The following AJAP1 variants were observed in gnomAD, a reference collection of about 807,000 sequenced individuals.
AJAP1 encodes the protein adherens junction-associated protein 1.
AJAP1 carries 5 observed loss-of-function variants against 35.0 expected under a neutral mutation model. The ratio of observed to expected loss-of-function variants is 0.14; its 90% CI spans 0.07 to 0.30. The LOEUF (loss-of-function observed/expected upper bound fraction) is 0.30. AJAP1 is among the 10% of genes least tolerant of loss of function. The pLI is 1.00. For synonymous variants in AJAP1, 284 were observed against 249.3 expected (o/e 1.14, Z -1.31); for missense variants, 586 against 571.0 (o/e 1.03, Z -0.27).
chr1:4,675,538 C>T (rs1639344163), intron 1 of AJAP1, among the ~76,000 whole-genome samples: 1 of 152,196 alleles, frequency 6.6e-6, no homozygotes, highest in Non-Finnish European at 1.5e-5. Flanking sequence ...GACCATGTGG[C>T]CTACCTCAGT....
intron 1 of AJAP1, among the ~76,000 whole-genome samples, chr1:4,686,226 G>A (rs1209743444): frequency 6.6e-6 from 1 of 152,156 alleles, no homozygotes; most frequent in Admixed American, 6.5e-5. Context: ...TAGATTCCTG[G>A]TGCAGTCATC....
At chr1:4,726,777 C>T (rs1355148178) in intron 2 of AJAP1, among the ~76,000 whole-genome samples, 2 of 152,122 alleles carry the variant, frequency 1.3e-5, no homozygotes, top group Non-Finnish European at 2.9e-5. Flanking sequence ...AGCCGAGAGC[C>T]GGGGGCCTGC....
chr1:4,737,035 AACTCTCTGAATGT>A (rs1282578597), intron 2 of AJAP1, among the ~76,000 whole-genome samples: 1 of 152,224 alleles, frequency 6.6e-6, no homozygotes, highest in Admixed American at 6.5e-5. Context: ...GAACTAGAGC[AACTCTCTGAATGT>A]ACTGGAGTTG....
intron 1 of AJAP1, among the ~76,000 whole-genome samples, chr1:4,700,350 G>C (rs1639958183): frequency 6.6e-6 from 1 of 152,120 alleles, no homozygotes; most frequent in Non-Finnish European, 1.5e-5. Context: ...ACATACCGAT[G>C]CTGGGCCTCG....
rs1230446360 is a variant in AJAP1 at position 4,711,850 on chromosome 1, C to G, written c.30-50C>G. The stretch of plus-strand genomic sequence containing the variant: ...GAGAGAGGGCCCCGGGGCCCAGTCC[C>G]CCTCCTGGGCTTCCACTGACCGCTC... On this transcript the variant is annotated intron_variant, in intron 1 of 5. Transcript: ENST00000378191. The G allele has an allele frequency of 2.2e-6, 3 of 1,382,588 alleles. No individual in the cohort carries two copies. In the African/African-American group the frequency reaches 4.5e-5, roughly 21 times the overall value. 85.6% of individuals were successfully genotyped at this position (1,382,588 alleles called of 1,614,324 possible). A position where few individuals can be genotyped will look rare whatever the true frequency, so the allele number is the denominator to read the frequency against.
chr1:4,770,545 G>GC (rs1313833975), intron 3 of AJAP1, among the ~76,000 whole-genome samples: 1 of 152,172 alleles, frequency 6.6e-6, no homozygotes, highest in African/African-American at 2.4e-5. Flanking sequence ...CTGCTGGGAG[G>GC]CCCTGCTGCT....
intron 1 of AJAP1, among the ~76,000 whole-genome samples, chr1:4,661,213 G>T (rs1638991165): frequency 6.6e-6 from 1 of 152,186 alleles, no homozygotes; most frequent in African/African-American, 2.4e-5. Context: ...GTGAACTTCT[G>T]AGATATCATG....
chr1:4,766,634 C>G (rs1641692250), intron 2 of AJAP1, among the ~76,000 whole-genome samples: 1 of 152,180 alleles, frequency 6.6e-6, no homozygotes, highest in South Asian at 2.1e-4. Flanking sequence ...CCCATTGAAA[C>G]CCACACTCCA....
At chr1:4,776,738 C>T (rs903180770) in intron 5 of AJAP1, among the ~76,000 whole-genome samples, 1 of 152,180 alleles carries the variant, frequency 6.6e-6, no homozygotes, top group East Asian at 1.9e-4. Flanking sequence ...TGGGCGCCCC[C>T]AGATGGGCCC....
At chr1:4,718,771 A>G (rs1289228379) in intron 2 of AJAP1, among the ~76,000 whole-genome samples, 1 of 151,996 alleles carries the variant, frequency 6.6e-6, no homozygotes, top group South Asian at 2.1e-4. Context: ...ATGAGCCACC[A>G]CGCCCGGCCT....
At chr1:4,673,521 C>G (rs1339324740) in intron 1 of AJAP1, among the ~76,000 whole-genome samples, 1 of 152,208 alleles carries the variant, frequency 6.6e-6, no homozygotes. Flanking sequence ...CCCACTAAAA[C>G]TCTGGGGACC....
At chr1:4,718,947 C>T (rs568000063) in intron 2 of AJAP1, among the ~76,000 whole-genome samples, 16 of 152,262 alleles carry the variant, frequency 1.1e-4, no homozygotes, top group South Asian at 1.0e-3. Context: ...TTTAAGGGAA[C>T]GGATGGGGTC....
At chr1:4,726,220 G>A (rs549059074) in intron 2 of AJAP1, among the ~76,000 whole-genome samples, 2 of 152,250 alleles carry the variant, frequency 1.3e-5, no homozygotes, top group Admixed American at 6.5e-5. Context: ...GAGAGAGCTG[G>A]GCACAGGGGC....
At chr1:4,763,898 C>T (rs929365294) in intron 2 of AJAP1, among the ~76,000 whole-genome samples, 5 of 148,526 alleles carry the variant, frequency 3.4e-5, no homozygotes, top group South Asian at 4.4e-4. Context: ...TCTCCCTCTC[C>T]GCCTCCCTCT....
intron 2 of AJAP1, among the ~76,000 whole-genome samples, chr1:4,760,545 G>A (rs145575197): frequency 3.2e-4 from 48 of 152,190 alleles, no homozygotes; most frequent in African/African-American, 1.1e-3. Flanking sequence ...TGACTCCCCC[G>A]CCCCTGGGAT....
At chr1:4,738,558 G>A (rs1280104617) in intron 2 of AJAP1, among the ~76,000 whole-genome samples, 1 of 152,138 alleles carries the variant, frequency 6.6e-6, no homozygotes, top group Non-Finnish European at 1.5e-5. Flanking sequence ...GATTAGCACA[G>A]AGCAGAAGGG....
chr1:4,697,740 T>C (rs191853779), intron 1 of AJAP1, among the ~76,000 whole-genome samples: 1 of 152,340 alleles, frequency 6.6e-6, no homozygotes, highest in African/African-American at 2.4e-5. Context: ...TGCACACGTC[T>C]AACAAGATGG....
intron 2 of AJAP1, among the ~76,000 whole-genome samples, chr1:4,768,069 C>G (rs1486951640): frequency 6.6e-6 from 1 of 152,204 alleles, no homozygotes; most frequent in East Asian, 1.9e-4. Context: ...CTTGGCAGTC[C>G]CAGAGAAGGG....
chr1:4,708,591 G>T (rs1168459592), intron 1 of AJAP1, among the ~76,000 whole-genome samples: 1 of 152,240 alleles, frequency 6.6e-6, no homozygotes, highest in Non-Finnish European at 1.5e-5. Context: ...AAGGGATGAG[G>T]ACAGAGATTG....
Sources: allele counts gnomAD v4.1 joint callset (sites outside exome capture counted in the v4.1 genomes callset), GRCh38; gene constraint gnomAD v4.1.1; transcripts MANE v1.5; gene names NCBI Gene and HGNC (gene_info 2026-07-23, HGNC 2026-07-21).